The following KIAA0825 variants were observed in gnomAD, a reference collection of about 807,000 sequenced individuals.
KIAA0825 encodes KIAA0825, also known as uncharacterized protein KIAA0825.
In KIAA0825, 119 loss-of-function variants were observed where a neutral mutation model predicts 147.6. The observed-to-expected ratio is 0.81, with a 90% CI of 0.69 to 0.94. KIAA0825 has a LOEUF of 0.94. Ranked by LOEUF, KIAA0825 falls within the 40% of genes least tolerant of loss-of-function variation. The pLI is 0.00. For missense variants in KIAA0825, 1,381 were observed against 1,472.7 expected (o/e 0.94, Z 1.02); for synonymous variants, 470 against 518.1 (o/e 0.91, Z 1.26).
At chr5:94,579,211 C>T (rs1276642401) in intron 2 of KIAA0825, among the ~76,000 whole-genome samples, 1 of 152,152 alleles carries the variant, frequency 6.6e-6, no homozygotes, top group Non-Finnish European at 1.5e-5. Flanking sequence ...TGAGCCACTG[C>T]ACCCAGAAAC....
At chr5:94,423,896 T>C (rs1002681761) in intron 14 of KIAA0825, among the ~76,000 whole-genome samples, 1 of 152,194 alleles carries the variant, frequency 6.6e-6, no homozygotes, top group African/African-American at 2.4e-5. Context: ...ACAGCCTAGA[T>C]CACTGTGAAA....
intron 5 of KIAA0825, among the ~76,000 whole-genome samples, chr5:94,486,230 C>T (rs904845862): frequency 6.6e-6 from 1 of 151,966 alleles, no homozygotes; most frequent in East Asian, 1.9e-4. Context: ...TAAACTCCTA[C>T]AAACTTAGCA....
intron 2 of KIAA0825, among the ~76,000 whole-genome samples, chr5:94,577,629 T>C (rs1438653289): frequency 2.6e-5 from 4 of 152,194 alleles, no homozygotes; most frequent in African/African-American, 9.7e-5. Context: ...AAAGTGGTAC[T>C]TTCCAAAAAC....
At chr5:94,475,940 A>G (rs1193859419) in intron 7 of KIAA0825, among the ~76,000 whole-genome samples, 2 of 152,370 alleles carry the variant, frequency 1.3e-5, no homozygotes, top group Middle Eastern at 3.4e-3. Context: ...GGCATCATAC[A>G]TATTCCATTT....
chr5:94,238,240 G>A (rs1199822987), intron 20 of KIAA0825, among the ~76,000 whole-genome samples: 1 of 152,084 alleles, frequency 6.6e-6, no homozygotes, highest in African/African-American at 2.4e-5. Flanking sequence ...CAAGATCATG[G>A]GTGTTCAGGT....
At chr5:94,239,239 C>T (rs779465723) in intron 20 of KIAA0825, among the ~76,000 whole-genome samples, 7 of 152,104 alleles carry the variant, frequency 4.6e-5, no homozygotes, top group Non-Finnish European at 7.4e-5. Context: ...CCCGCTTCAT[C>T]GGGGCCAATC....
chr5:94,533,929 C>T (rs966818252), intron 3 of KIAA0825, among the ~76,000 whole-genome samples: 12 of 152,236 alleles, frequency 7.9e-5, no homozygotes, highest in African/African-American at 1.9e-4. Context: ...CTGGTCCATT[C>T]GGGTGAATCA....
intron 20 of KIAA0825, among the ~76,000 whole-genome samples, chr5:94,194,367 G>A (rs1770936348): frequency 6.6e-6 from 1 of 151,984 alleles, no homozygotes; most frequent in Non-Finnish European, 1.5e-5. Context: ...CAGTCCTTGG[G>A]TATGCTTTCT....
chr5:94,597,714 G>A lies in KIAA0825; in HGVS notation c.-152-15131C>T, dbSNP rs1585002709. Among the ~76,000 whole-genome samples, 5 of 152,178 alleles carry A rather than the reference G, an allele frequency of 3.3e-5. No homozygotes were observed. The South Asian group carries it at 8.3e-4, about 25-fold the overall frequency. ...TTTCATTGTATGAACATCATACAGT[G>A]TACCTACACAAACATCAATGGTATA... On this transcript the variant is annotated intron_variant, in intron 1 of 20. Coordinates refer to ENST00000682413, the MANE Select transcript of KIAA0825 (RefSeq NM_001145678.3).
intron 1 of KIAA0825, among the ~76,000 whole-genome samples, chr5:94,585,907 C>A (rs1313996014): frequency 6.6e-6 from 1 of 152,172 alleles, no homozygotes; most frequent in Non-Finnish European, 1.5e-5. Flanking sequence ...CACAAATCTA[C>A]ATGGAAACTG....
chr5:94,389,277 C>T lies in KIAA0825; in HGVS notation c.3456+2258G>A, dbSNP rs903216216. Among the ~76,000 whole-genome samples, 8 of 152,276 alleles carry T rather than the reference C, an allele frequency of 5.3e-5. No individual in the cohort carries two copies. The South Asian group carries it at 1.7e-3, about 32-fold the overall frequency. ...TGAAAATGCTGTATAAACTGCATGC[C>T]TCTTGCAAGTGGTTGTGGTTTTCCT... On this transcript the variant is annotated intron_variant, in intron 18 of 20. Coordinates refer to ENST00000682413, the MANE Select transcript of KIAA0825 (RefSeq NM_001145678.3).
At chr5:94,310,183 A>G (rs1779034828) in intron 20 of KIAA0825, among the ~76,000 whole-genome samples, 1 of 151,688 alleles carries the variant, frequency 6.6e-6, no homozygotes, top group Non-Finnish European at 1.5e-5. Flanking sequence ...GATAAAAGGT[A>G]GCTTTATCTC....
At chr5:94,533,266 C>CCACATCCAGCCTATGCTGTGTCTTAT (rs1413295138) in intron 3 of KIAA0825, among the ~76,000 whole-genome samples, 1 of 148,236 alleles carries the variant, frequency 6.7e-6, no homozygotes, top group African/African-American at 2.5e-5. Flanking sequence ...GCATGAGCCA[C>CCACATCCAGCCTATGCTGTGTCTTAT]TGTGCCCGGC....
intron 14 of KIAA0825, among the ~76,000 whole-genome samples, chr5:94,424,094 G>C (rs182555163): frequency 1.3e-5 from 2 of 152,166 alleles, no homozygotes; most frequent in East Asian, 3.9e-4. Flanking sequence ...GTTTCCCCCA[G>C]TTTATTGCCA....
intron 20 of KIAA0825, among the ~76,000 whole-genome samples, chr5:94,378,030 A>G (rs1747834131): frequency 6.6e-6 from 1 of 152,274 alleles, no homozygotes; most frequent in Admixed American, 6.5e-5. Context: ...TTAACTAAAA[A>G]TAAAGACAAG....
chr5:94,301,688 GAA>G (rs1340875990), intron 20 of KIAA0825, among the ~76,000 whole-genome samples: 1 of 152,152 alleles, frequency 6.6e-6, no homozygotes, highest in Non-Finnish European at 1.5e-5. Flanking sequence ...TTTCAGGAAA[GAA>G]GAGGCATGTG....
intron 20 of KIAA0825, among the ~76,000 whole-genome samples, chr5:94,292,033 A>G (rs770376720): frequency 3.3e-5 from 5 of 152,258 alleles, no homozygotes; most frequent in Non-Finnish European, 5.9e-5. Flanking sequence ...GGGTGTTCTA[A>G]ATATACAATC....
At chr5:94,416,881 A>G (rs193274205) in intron 15 of KIAA0825, 28 of 202,430 alleles carry the variant, frequency 1.4e-4, no homozygotes, top group African/African-American at 6.5e-4. Context: ...TCTTACTAAT[A>G]TCTTATATGC....
At chr5:94,342,154 C>A (rs1782465863) in intron 20 of KIAA0825, among the ~76,000 whole-genome samples, 1 of 151,762 alleles carries the variant, frequency 6.6e-6, no homozygotes, top group South Asian at 2.1e-4. Context: ...CGAGACCGCA[C>A]CACTGCACTC....
Sources: gnomAD v4.1 joint callset for allele counts (sites outside exome capture counted in the v4.1 genomes callset) on GRCh38, gnomAD v4.1.1 for gene constraint, MANE v1.5 for transcripts, NCBI Gene and HGNC (gene_info 2026-07-23, HGNC 2026-07-21) for gene names.